The following EVI5 variants were observed in gnomAD, a reference collection of about 807,000 sequenced individuals.
The protein encoded by EVI5 is ecotropic viral integration site 5 protein homolog.
A neutral mutation model predicts 112.0 loss-of-function variants in EVI5; 73 were observed. That is an observed-to-expected ratio of 0.65 (90% CI 0.54 to 0.79). The LOEUF (loss-of-function observed/expected upper bound fraction) is 0.79, where lower values mean the gene tolerates loss of function less well. Ranked by LOEUF, EVI5 falls within the 30% of genes least tolerant of loss-of-function variation. The pLI is 0.00. For missense variants in EVI5, 900 were observed against 968.8 expected, an observed-to-expected ratio of 0.93 and a Z score of 0.94; for synonymous variants, 305 against 319.9, an observed-to-expected ratio of 0.95 and a Z score of 0.50.
At chr1:92,534,098 C>G (rs1267403235) in intron 19 of EVI5, among the ~76,000 whole-genome samples, 1 of 152,136 alleles carries the variant, frequency 6.6e-6, no homozygotes, top group African/African-American at 2.4e-5. Context: ...GATACAAAAT[C>G]AATGTGCAAA....
intron 1 of EVI5, among the ~76,000 whole-genome samples, chr1:92,752,636 T>C (rs1680362624): frequency 6.6e-6 from 1 of 152,132 alleles, no homozygotes; most frequent in Non-Finnish European, 1.5e-5. Context: ...GGAGTCGACC[T>C]GAGCATGACG....
intron 2 of EVI5, among the ~76,000 whole-genome samples, chr1:92,706,169 G>T (rs755428463): frequency 6.6e-6 from 1 of 151,800 alleles, no homozygotes; most frequent in Non-Finnish European, 1.5e-5. Context: ...CAGCCAAAGT[G>T]AGCATCAACT....
intron 13 of EVI5, among the ~76,000 whole-genome samples, chr1:92,637,463 G>A (rs576375247): frequency 2.8e-5 from 4 of 144,180 alleles, no homozygotes; most frequent in African/African-American, 5.6e-5. Flanking sequence ...AATTAACCAC[G>A]GAAGCACGCA....
chr1:92,544,502 T>A (rs1369604666), intron 19 of EVI5, among the ~76,000 whole-genome samples: 3 of 152,164 alleles, frequency 2.0e-5, no homozygotes, highest in Non-Finnish European at 2.9e-5. Context: ...ATCTTCTACA[T>A]CCAGTTTTTT....
intron 10 of EVI5, among the ~76,000 whole-genome samples, chr1:92,675,059 A>G (rs1036170559): frequency 2.0e-5 from 3 of 152,236 alleles, no homozygotes; most frequent in Admixed American, 2.0e-4. Flanking sequence ...AATACTGCAA[A>G]TGGCTGGGCG....
At chr1:92,738,973 T>C (rs915123897) in intron 1 of EVI5, among the ~76,000 whole-genome samples, 5 of 151,986 alleles carry the variant, frequency 3.3e-5, no homozygotes, top group Non-Finnish European at 5.9e-5. Flanking sequence ...GCATTTATTT[T>C]AAAAAGTGAA....
chr1:92,527,879 T>C (rs1441609765), intron 19 of EVI5, among the ~76,000 whole-genome samples: 2 of 152,232 alleles, frequency 1.3e-5, no homozygotes, highest in African/African-American at 2.4e-5. Flanking sequence ...CTAATGTTAA[T>C]GGCCATTTGG....
At chr1:92,545,749 A>C (rs1441161871) in intron 19 of EVI5, among the ~76,000 whole-genome samples, 2 of 152,188 alleles carry the variant, frequency 1.3e-5, no homozygotes, top group Non-Finnish European at 2.9e-5. Flanking sequence ...CTCTAAAAAC[A>C]AACTGAGCAG....
intron 1 of EVI5, chr1:92,749,275 A>G (rs923091784): frequency 6.2e-6 from 2 of 320,888 alleles, no homozygotes; most frequent in Non-Finnish European, 1.2e-5. Flanking sequence ...GCTGGCAGTT[A>G]GCTTTGTACC....
intron 19 of EVI5, among the ~76,000 whole-genome samples, chr1:92,526,369 C>T (rs1661885937): frequency 1.3e-5 from 2 of 152,164 alleles, no homozygotes; most frequent in African/African-American, 4.8e-5. Context: ...ACCAATTATT[C>T]TTTCTAGCTA....
chr1:92,755,255 T>TA (rs1680780599), intron 1 of EVI5, among the ~76,000 whole-genome samples: 1 of 151,682 alleles, frequency 6.6e-6, no homozygotes, highest in Non-Finnish European at 1.5e-5. Flanking sequence ...CTAAAAAATA[T>TA]AAAAATTAGC....
chr1:92,534,501 G>A (rs1228266355), intron 19 of EVI5, among the ~76,000 whole-genome samples: 1 of 152,162 alleles, frequency 6.6e-6, no homozygotes, highest in Non-Finnish European at 1.5e-5. Context: ...GAACAAAGCT[G>A]AAGGTATCAC....
At chr1:92,707,350 A>C (rs1356030330) in intron 2 of EVI5, among the ~76,000 whole-genome samples, 1 of 152,140 alleles carries the variant, frequency 6.6e-6, no homozygotes, top group Non-Finnish European at 1.5e-5. Context: ...CTATTTTAAA[A>C]ATGAAAAGGC....
At chr1:92,570,725 G>C (rs1290887518) in intron 18 of EVI5, among the ~76,000 whole-genome samples, 1 of 151,996 alleles carries the variant, frequency 6.6e-6, no homozygotes, top group Admixed American at 6.5e-5. Context: ...AAAAATTCTG[G>C]TAAAACAAAA....
intron 1 of EVI5, among the ~76,000 whole-genome samples, chr1:92,782,326 T>C (rs549948605): frequency 1.4e-4 from 21 of 150,344 alleles, no homozygotes; most frequent in Admixed American, 4.0e-4. Flanking sequence ...AAAAACACCA[T>C]TAAAAGACTG....
intron 6 of EVI5, 106 bp from the exon 7 acceptor site, chr1:92,695,559 A>G: frequency 1.6e-6 from 1 of 630,640 alleles, no homozygotes; most frequent in Non-Finnish European, 2.5e-6. Flanking sequence ...TAGATCAAGC[A>G]TCATATGGAA....
At chr1:92,641,623 G>A (rs1347633355) in intron 13 of EVI5, among the ~76,000 whole-genome samples, 3 of 152,096 alleles carry the variant, frequency 2.0e-5, no homozygotes, top group African/African-American at 7.2e-5. Context: ...ATATCCAAAA[G>A]CATCTGAAAA....
intron 9 of EVI5, among the ~76,000 whole-genome samples, chr1:92,681,728 T>C (rs1323982549): frequency 6.6e-6 from 1 of 152,138 alleles, no homozygotes; most frequent in African/African-American, 2.4e-5. Context: ...CGTTTGACAA[T>C]GACGAAAACG....
At chr1:92,552,122 G>GAA (rs143454054) in intron 19 of EVI5, among the ~76,000 whole-genome samples, 3 of 123,158 alleles carry the variant, frequency 2.4e-5, no homozygotes, top group Non-Finnish European at 3.3e-5. Context: ...GGGCTGTAGG[G>GAA]AAAAAAAAAA....
Sources: allele counts gnomAD v4.1 joint callset (sites outside exome capture counted in the v4.1 genomes callset), GRCh38; gene constraint gnomAD v4.1.1; transcripts MANE v1.5; gene names NCBI Gene and HGNC (gene_info 2026-07-23, HGNC 2026-07-21).